NETO1: variants seen among roughly 807,000 people sequenced by gnomAD.
NETO1 encodes the protein neuropilin and tolloid like 1.
A neutral mutation model predicts 61.3 loss-of-function variants in NETO1; 26 were observed. That is an observed-to-expected ratio of 0.42 (90% CI 0.31 to 0.59). The LOEUF (loss-of-function observed/expected upper bound fraction) is 0.59, where lower values mean the gene tolerates loss of function less well. NETO1 is among the 20% of genes least tolerant of loss of function. The pLI is 0.12. For synonymous variants in NETO1, 225 were observed against 225.8 expected, an observed-to-expected ratio of 1.00 and a Z score of 0.03; for missense variants, 531 against 662.8, an observed-to-expected ratio of 0.80 and a Z score of 2.18.
At chr18:72,787,974 T>C (rs750148379) in intron 6 of NETO1, among the ~76,000 whole-genome samples, 7 of 152,232 alleles carry the variant, frequency 4.6e-5, no homozygotes, top group Non-Finnish European at 8.8e-5. Context: ...ATAAAATTTA[T>C]AGAAAATAAA....
At position 72,830,107 on chromosome 18, in the gene NETO1, T is replaced by C. The variant is rs1390102155; in HGVS notation, c.469+28719A>G. Among the ~76,000 whole-genome samples the C allele has an allele frequency of 6.6e-6, 1 of 152,160 alleles. No individual in the cohort carries two copies. The highest frequency in any genetic ancestry group is 1.5e-5 in the Non-Finnish European group (1 of 68,038). On this transcript the variant is annotated intron_variant, in intron 4 of 10. Coordinates refer to ENST00000327305, the MANE Select transcript of NETO1 (RefSeq NM_138966.5). The surrounding 1 kb of genome is among the most constrained non-coding windows in gnomAD (Gnocchi z 4.9). The stretch of plus-strand genomic sequence containing the variant: ...TCAGGCCCACATCTACCTATGTGGC[T>C]GAAATATGAAGGAAGTACTATAAAA...
chr18:72,784,932 T>C (rs1028988934), intron 6 of NETO1, among the ~76,000 whole-genome samples: 2 of 152,206 alleles, frequency 1.3e-5, no homozygotes, highest in African/African-American at 4.8e-5. Flanking sequence ...AAAATGTATG[T>C]CAATTAAACC....
chr18:72,823,284 A>G (rs1255232576), intron 4 of NETO1, among the ~76,000 whole-genome samples: 1 of 152,210 alleles, frequency 6.6e-6, no homozygotes, highest in African/African-American at 2.4e-5. Flanking sequence ...GTGATAAGCA[A>G]TGAGTGCTTT....
chr18:72,860,161 G>A (rs538815367), intron 3 of NETO1, among the ~76,000 whole-genome samples: 2 of 152,280 alleles, frequency 1.3e-5, no homozygotes, highest in South Asian at 4.1e-4. Flanking sequence ...CATAAAATTT[G>A]CTGAAATGTC....
At chr18:72,824,508 G>A (rs1407645629) in intron 4 of NETO1, among the ~76,000 whole-genome samples, 1 of 152,206 alleles carries the variant, frequency 6.6e-6, no homozygotes, top group East Asian at 1.9e-4. Context: ...ATCATCACAT[G>A]AGAATAGTTC....
chr18:72,803,587 C>T (rs537471457), intron 4 of NETO1, among the ~76,000 whole-genome samples: 3 of 152,100 alleles, frequency 2.0e-5, no homozygotes, highest in East Asian at 1.9e-4. Context: ...TCTGGGAGGC[C>T]GAGGCAGGCA....
chr18:72,831,070 G>A (rs2073561438), intron 4 of NETO1, among the ~76,000 whole-genome samples: 1 of 151,972 alleles, frequency 6.6e-6, no homozygotes, highest in African/African-American at 2.4e-5. Context: ...GTGCTCTTCT[G>A]GCCAGCCATT....
At position 72,867,854 on chromosome 18, in the gene NETO1, G is replaced by A. The variant is rs79869033; in HGVS notation, c.-563C>T. ...ACGCGCCGCGCAGCAGGTCGGAGCA[G>A]CCTCCCCGGGAGGATGTCCAGCGGC... On this transcript the variant is annotated 5_prime_UTR_variant, in exon 1 of 11. Coordinates refer to ENST00000327305, the MANE Select transcript of NETO1 (RefSeq NM_138966.5). 2,263 of 152,650 alleles carry A rather than the reference G, an allele frequency of 0.015. 68 individuals carry two copies. Among genetic ancestry groups the A allele is most frequent in the African/African-American group, 0.052 (2,137 of 41,370 alleles). The allele number at this position is 152,650 out of a possible 1,614,324, so 9.5% of individuals were successfully genotyped here.
At chr18:72,791,526 C>T (rs2072117439) in intron 6 of NETO1, among the ~76,000 whole-genome samples, 1 of 152,200 alleles carries the variant, frequency 6.6e-6, no homozygotes, top group Non-Finnish European at 1.5e-5. Flanking sequence ...CATCTTTGTC[C>T]AGCTCTGCAG....
chr18:72,814,708 T>C (rs1325032766), intron 4 of NETO1, among the ~76,000 whole-genome samples: 2 of 151,960 alleles, frequency 1.3e-5, no homozygotes, highest in Admixed American at 6.5e-5. Context: ...AGATCTGATA[T>C]GGCAATTATA....
rs59339805 is a variant in NETO1, at chr18:72,772,825, CTATATATA to C, written c.868+10845_868+10852del. Among the ~76,000 whole-genome samples, 343 of 40,190 alleles carry C rather than the reference CTATATATA, an allele frequency of 8.5e-3. 1 individual carries two copies. The highest frequency in any genetic ancestry group is 0.024 in the East Asian group (19 of 790). 26.4% of individuals were successfully genotyped at this position (40,190 alleles called of 152,430 possible). A position where few individuals can be genotyped will look rare whatever the true frequency, so the allele number is the denominator to read the frequency against. On this transcript the variant is annotated intron_variant, in intron 7 of 10. Transcript: ENST00000327305. ...TCTCTCTCTCTCTCTCTCTCTCTCT[CTATATATA>C]TATATATATATATATATATATATAT...
At chr18:72,800,289 T>A (rs187675468) in intron 4 of NETO1, among the ~76,000 whole-genome samples, 1 of 152,352 alleles carries the variant, frequency 6.6e-6, no homozygotes, top group East Asian at 1.9e-4. Context: ...TGAGACAACT[T>A]CAAATCTCCA....
At chr18:72,790,451 G>GCT (rs1429828882) in intron 6 of NETO1, among the ~76,000 whole-genome samples, 1 of 152,078 alleles carries the variant, frequency 6.6e-6, no homozygotes, top group Non-Finnish European at 1.5e-5. Context: ...CCTTGCTCCA[G>GCT]CTCTGTTGCT....
At chr18:72,756,004 T>G in intron 8 of NETO1, 30 bp downstream of exon 8, 3 of 1,270,088 alleles carry the variant, frequency 2.4e-6, no homozygotes, top group Non-Finnish European at 3.4e-6. Context: ...GGGAGGAAAT[T>G]TTTTTCAAAT....
chr18:72,770,929 T>G (rs1411623379), intron 7 of NETO1, among the ~76,000 whole-genome samples: 1 of 152,134 alleles, frequency 6.6e-6, no homozygotes, highest in Non-Finnish European at 1.5e-5. Flanking sequence ...TGTTAATTTA[T>G]TTTTCCATAA....
intron 4 of NETO1, among the ~76,000 whole-genome samples, chr18:72,824,711 A>C (rs988347119): frequency 1.3e-3 from 11 of 8,490 alleles, no homozygotes; most frequent in Non-Finnish European, 6.8e-3. Flanking sequence ...CTTAAAATAC[A>C]AAAAAAAAAC....
At chr18:72,817,773 C>G (rs564143880) in intron 4 of NETO1, among the ~76,000 whole-genome samples, 33 of 152,310 alleles carry the variant, frequency 2.2e-4, no homozygotes, top group African/African-American at 7.2e-4. Flanking sequence ...TGACTTCTGT[C>G]TTGTTCTTTC....
Position 72,747,798 on chromosome 18 carries a change from T to C in NETO1, c.*381A>G, listed in dbSNP as rs2070463567. 6.6e-6 allele frequency: 1 copy of C among 151,946 alleles called. No homozygotes were observed. Among genetic ancestry groups the C allele is most frequent in the Admixed American group, 6.6e-5 (1 of 15,256 alleles). The allele number at this position is 151,946 out of a possible 1,614,324, so 9.4% of individuals were successfully genotyped here. A position where few individuals can be genotyped will look rare whatever the true frequency, so the allele number is the denominator to read the frequency against. On this transcript the variant is annotated 3_prime_UTR_variant, in exon 11 of 11. Transcript: ENST00000327305. ...ACACAAGGTTCATCCAAATTCGTGT[T>C]TTTTTTTCACATATCACACAATGTA...
intron 4 of NETO1, among the ~76,000 whole-genome samples, chr18:72,813,737 T>C (rs999630122): frequency 3.3e-5 from 5 of 152,096 alleles, no homozygotes; most frequent in African/African-American, 9.7e-5. Flanking sequence ...TTCCAGTGCA[T>C]TGCACAGACA....
Sources: allele counts gnomAD v4.1 joint callset (sites outside exome capture counted in the v4.1 genomes callset), GRCh38; gene constraint gnomAD v4.1.1; non-coding constraint Gnocchi (gnomAD v3.1); transcripts MANE v1.5; gene names NCBI Gene and HGNC (gene_info 2026-07-23, HGNC 2026-07-21).